Variants in CAST observed in about 807,000 individuals in gnomAD.
CAST encodes the protein calpastatin, also known as MIR583 host.
A neutral mutation model predicts 119.6 loss-of-function variants in CAST; 76 were observed. The observed-to-expected ratio is 0.64, with a 90% CI of 0.53 to 0.77. CAST has a LOEUF of 0.77. Among genes scored for constraint, CAST ranks in the 30% least tolerant of loss-of-function variants. The probability of loss-of-function intolerance (pLI) is 0.00; values close to 1 mark genes in which losing one functional copy is unlikely to be tolerated. For synonymous variants in CAST, 319 were observed against 331.6 expected (o/e 0.96, Z 0.41); for missense variants, 953 against 946.5 (o/e 1.01, Z -0.09).
chr5:96,680,819 G>A (rs767550025), intron 2 of CAST, among the ~76,000 whole-genome samples: 11 of 152,224 alleles, frequency 7.2e-5, no homozygotes, highest in Non-Finnish European at 1.0e-4. Flanking sequence ...GCAAGTTCTA[G>A]AAGAGTACTG....
intron 1 of CAST, among the ~76,000 whole-genome samples, chr5:96,542,482 GT>G (rs999579335): frequency 1.3e-5 from 2 of 152,022 alleles, no homozygotes; most frequent in African/African-American, 4.8e-5. Context: ...ATTCTAATGG[GT>G]GTGTAGTGGT....
intron 1 of CAST, among the ~76,000 whole-genome samples, chr5:96,619,921 G>T (rs1384040229): frequency 6.6e-6 from 1 of 152,210 alleles, no homozygotes; most frequent in Admixed American, 6.5e-5. Context: ...CACTAACCAT[G>T]TGACGTTGGG....
the CAST span, among the ~76,000 whole-genome samples, chr5:96,469,865 GTA>G: frequency 1.3e-4 from 17 of 129,298 alleles, 1 homozygote; most frequent in Admixed American, 1.2e-3. Context: ...ATATGTGTGT[GTA>G]TATATATATA....
chr5:95,970,006 G>C, the CAST span, among the ~76,000 whole-genome samples: 2 of 152,152 alleles, frequency 1.3e-5, no homozygotes, highest in African/African-American at 4.8e-5. Flanking sequence ...TGACTATGGT[G>C]GGCCACTCTT....
chr5:96,489,415 T>C, the CAST span, among the ~76,000 whole-genome samples: 2 of 74,370 alleles, frequency 2.7e-5, no homozygotes, highest in African/African-American at 6.4e-5. Flanking sequence ...CCTCATTGAT[T>C]ATGAAGGGAA....
At chr5:96,650,758 G>C (rs1191798485) in intron 1 of CAST, among the ~76,000 whole-genome samples, 2 of 151,872 alleles carry the variant, frequency 1.3e-5, no homozygotes, top group East Asian at 3.9e-4. Flanking sequence ...GTGTGTGTGT[G>C]TGTGTGTGTA....
intron 1 of CAST, among the ~76,000 whole-genome samples, chr5:96,644,163 A>T (rs1177690037): frequency 6.6e-6 from 1 of 152,228 alleles, no homozygotes; most frequent in Non-Finnish European, 1.5e-5. Flanking sequence ...TATACTTCAT[A>T]TGGGTGAATT....
intron 1 of CAST, among the ~76,000 whole-genome samples, chr5:96,664,671 A>G (rs909146871): frequency 7.9e-5 from 12 of 152,238 alleles, no homozygotes; most frequent in African/African-American, 2.9e-4. Flanking sequence ...AATAGAAATT[A>G]TATGCACTAC....
At position 96,750,592 on chromosome 5, in the gene CAST, T is replaced by G. The variant is rs1336502631; in HGVS notation, c.1434T>G (p.Ser478=). 2 of 1,611,024 alleles carry G rather than the reference T, an allele frequency of 1.2e-6. No individual in the cohort carries two copies. Among genetic ancestry groups the G allele is most frequent in the Admixed American group, 1.7e-5 (1 of 59,948 alleles). ...PSKPTEKTEE[S]KAAAPAPVSE... is the part of the protein sequence containing the mutation. The stretch of plus-strand genomic sequence containing the variant: ...GTACTTGTGTCTTTCCTCAGGAATC[T>G]AAGGCCGCTGCTCCAGCTCCTGTGT... The change falls in exon 20 of 32, where the codon TCT becomes TCG. Residue 478 remains serine, a synonymous_variant. Transcript: ENST00000675179.
the CAST span, among the ~76,000 whole-genome samples, chr5:96,140,058 G>A: frequency 6.6e-6 from 1 of 152,220 alleles, no homozygotes; most frequent in East Asian, 1.9e-4. Context: ...ACAGTTGGCT[G>A]TGGAGAAGTT....
chr5:96,107,889 A>T, the CAST span, among the ~76,000 whole-genome samples: 1 of 152,070 alleles, frequency 6.6e-6, no homozygotes, highest in African/African-American at 2.4e-5. Flanking sequence ...GTCTTTTCAC[A>T]TAGTCCCATA....
chr5:96,219,293 T>C, the CAST span, among the ~76,000 whole-genome samples: 4 of 152,312 alleles, frequency 2.6e-5, no homozygotes, highest in African/African-American at 9.6e-5. Flanking sequence ...ACTTCTATTA[T>C]GCATTCAGGA....
the CAST span, among the ~76,000 whole-genome samples, chr5:96,346,963 G>A: frequency 6.6e-6 from 1 of 152,078 alleles, no homozygotes; most frequent in African/African-American, 2.4e-5. Context: ...CTCTTTTCAA[G>A]GTAGAAAAGG....
At chr5:96,519,941 TA>T in the CAST span, among the ~76,000 whole-genome samples, 2 of 152,172 alleles carry the variant, frequency 1.3e-5, no homozygotes, top group Non-Finnish European at 2.9e-5. Context: ...TTTCCCTTTT[TA>T]AAAAAACTAT....
chr5:96,348,416 G>A, the CAST span, among the ~76,000 whole-genome samples: 1,426 of 152,048 alleles, frequency 9.4e-3, 23 homozygotes, highest in South Asian at 0.035. Context: ...GAGAGATAGA[G>A]AGATTTGTTG....
At chr5:96,745,427 T>C (rs1763560086) in intron 16 of CAST, among the ~76,000 whole-genome samples, 1 of 152,254 alleles carries the variant, frequency 6.6e-6, no homozygotes, top group Non-Finnish European at 1.5e-5. Context: ...CATGACCAGC[T>C]GACTTTCTCT....
chr5:96,646,498 A>C (rs926179381), intron 1 of CAST, among the ~76,000 whole-genome samples: 4 of 152,244 alleles, frequency 2.6e-5, no homozygotes, highest in Non-Finnish European at 5.9e-5. Context: ...TTAAATGAAA[A>C]AGGCAATGTG....
At chr5:96,465,754 AG>A in the CAST span, among the ~76,000 whole-genome samples, 1 of 152,118 alleles carries the variant, frequency 6.6e-6, no homozygotes, top group Non-Finnish European at 1.5e-5. Flanking sequence ...GGTTACCATG[AG>A]GGTTTTTAAA....
chr5:96,591,933 T>C (rs1350648864), intron 1 of CAST, among the ~76,000 whole-genome samples: 1 of 152,158 alleles, frequency 6.6e-6, no homozygotes, highest in African/African-American at 2.4e-5. Context: ...AATAGTTCAG[T>C]ACAGGTGGGT....
Sources: allele counts gnomAD v4.1 joint callset (sites outside exome capture counted in the v4.1 genomes callset), GRCh38; gene constraint gnomAD v4.1.1; transcripts MANE v1.5; gene names NCBI Gene and HGNC (gene_info 2026-07-23, HGNC 2026-07-21).